PKHD1L1: variants seen among roughly 807,000 people sequenced by gnomAD.
PKHD1L1 encodes the protein PKHD1 like 1.
PKHD1L1 carries 434 observed loss-of-function variants against 462.9 expected under a neutral mutation model. That is an observed-to-expected ratio of 0.94 (90% CI 0.87 to 1.02). The LOEUF (loss-of-function observed/expected upper bound fraction) is 1.02. PKHD1L1 is among the 50% of genes least tolerant of loss of function. PKHD1L1 has a pLI of 0.00. For synonymous variants in PKHD1L1, 1,781 were observed against 1,750.0 expected (o/e 1.02, Z -0.44); for missense variants, 5,202 against 5,096.1 (o/e 1.02, Z -0.63).
intron 59 of PKHD1L1, 27 bp from the exon 60 acceptor site, chr8:109,489,925 C>A (rs1272513337): frequency 7.0e-7 from 1 of 1,429,188 alleles, no homozygotes; most frequent in Admixed American, 1.9e-5. Context: ...TTAAGAAAAA[C>A]AAATTTTAAA....
chr8:109,409,812 G>A (rs1813742381), intron 18 of PKHD1L1, 53 bp from the exon 19 acceptor site: 1 of 975,822 alleles, frequency 1.0e-6, no homozygotes, highest in Non-Finnish European at 1.5e-6. Context: ...AGGATTACGA[G>A]TGTTCTAACT....
chr8:109,465,960 G>A (rs1433996402), intron 49 of PKHD1L1, among the ~76,000 whole-genome samples: 1 of 152,092 alleles, frequency 6.6e-6, no homozygotes, highest in Non-Finnish European at 1.5e-5. Flanking sequence ...AAATAAGATA[G>A]CGAGGATATG....
At chr8:109,398,719 A>G (rs1813100808) in intron 12 of PKHD1L1, among the ~76,000 whole-genome samples, 171 bp downstream of exon 12, 1 of 152,166 alleles carries the variant, frequency 6.6e-6, no homozygotes, top group Admixed American at 6.6e-5. Flanking sequence ...TTCTATTAAA[A>G]TAGCTGCCAC....
intron 19 of PKHD1L1, among the ~76,000 whole-genome samples, chr8:109,410,592 C>A (rs1813787917): frequency 6.6e-6 from 1 of 152,008 alleles, no homozygotes; most frequent in African/African-American, 2.4e-5. Flanking sequence ...AATCCACCCC[C>A]GTGATCAAAT....
chr8:109,473,050 C>A (rs560589225), intron 50 of PKHD1L1, among the ~76,000 whole-genome samples: 1 of 152,238 alleles, frequency 6.6e-6, no homozygotes, highest in East Asian at 1.9e-4. Context: ...AAAATATCAA[C>A]TTCAAAGAGT....
chr8:109,398,490 A>C lies in PKHD1L1; in HGVS notation c.954A>C (p.Glu318Asp). 6.4e-7 allele frequency: 1 copy of C among 1,569,560 alleles called. No individual in the cohort carries two copies. Among genetic ancestry groups the C allele is most frequent in the Non-Finnish European group, 8.7e-7 (1 of 1,153,546 alleles). ...CTTGTGATATTTTGAATGTCACAGA[A>C]AATAGTATATGTTGCAAGACACCCC... is the stretch of plus-strand genomic sequence containing the variant. The part of the protein sequence containing the change: ...GEPCDILNVT[E>D]NSICCKTPPK... Residue 318 changes from glutamate to aspartate, a missense_variant, in exon 12 of 78, where the codon GAA becomes GAC. Coordinates refer to ENST00000378402, the MANE Select transcript of PKHD1L1 (RefSeq NM_177531.6).
intron 48 of PKHD1L1, among the ~76,000 whole-genome samples, chr8:109,463,796 T>C (rs943099388): frequency 6.6e-6 from 1 of 152,210 alleles, no homozygotes; most frequent in Non-Finnish European, 1.5e-5. Context: ...TAGGGGATTA[T>C]GGCAAAGACT....
chr8:109,377,587 A>T (rs1811904401), intron 2 of PKHD1L1, among the ~76,000 whole-genome samples: 1 of 152,200 alleles, frequency 6.6e-6, no homozygotes, highest in South Asian at 2.1e-4. Context: ...AAAAATTCAC[A>T]TACTGTTAGA....
Position 109,464,554 on chromosome 8 carries a change from T to C in PKHD1L1, c.7722T>C (p.Asn2574=). 6.2e-7 allele frequency: 1 copy of C among 1,613,624 alleles called. No homozygotes were observed. Among genetic ancestry groups the C allele is most frequent in the Non-Finnish European group, 8.5e-7 (1 of 1,179,784 alleles). The change falls in exon 49 of 78, where the codon AAT becomes AAC. Residue 2574 remains asparagine (N), a synonymous_variant. Coordinates refer to ENST00000378402, the MANE Select transcript of PKHD1L1 (RefSeq NM_177531.6). ...ACCCGAACAATACCATACGACACAATGCTGTTGCTGGTGGCACTCACTTTG... is the reference window on the plus strand; with the variant it reads ...ACCCGAACAATACCATACGACACAACGCTGTTGCTGGTGGCACTCACTTTG... ...VTNPNNTIRH[N]AVAGGTHFGF...
chr8:109,439,249 A>G (rs1211934960), intron 32 of PKHD1L1, among the ~76,000 whole-genome samples, 157 bp downstream of exon 32: 1 of 152,156 alleles, frequency 6.6e-6, no homozygotes. Context: ...ATCTCATACA[A>G]CTGCAATATG....
chr8:109,381,253 A>G, intron 2 of PKHD1L1, 117 bp from the exon 3 acceptor site: 1 of 878,740 alleles, frequency 1.1e-6, no homozygotes, highest in Non-Finnish European at 1.7e-6. Context: ...AAATAGGTTC[A>G]CTGCTTCAGT....
chr8:109,364,447 A>T, intron 1 of PKHD1L1, 100 bp from the exon 2 acceptor site: 1 of 820,400 alleles, frequency 1.2e-6, no homozygotes. Context: ...TAAACTTCAT[A>T]ATGTTTTCCT....
Position 109,404,829 on chromosome 8 carries a change from A to G in PKHD1L1, c.1533+116A>G, listed in dbSNP as rs1813449354. On this transcript the variant is annotated intron_variant, in intron 15 of 77. Coordinates refer to ENST00000378402, the MANE Select transcript of PKHD1L1 (RefSeq NM_177531.6). Reference sequence around the variant, plus strand: ...TTTTAGGTGAAAGCAGTCATGGACAATTATTAAATTATGACTTTGAGTATT... The same window carrying G: ...TTTTAGGTGAAAGCAGTCATGGACAGTTATTAAATTATGACTTTGAGTATT... 1.3e-5 allele frequency: 16 copies of G among 1,193,364 alleles called. No homozygotes were observed. The South Asian group carries it at 3.0e-4, about 22-fold the overall frequency. The allele number at this position is 1,193,364 out of a possible 1,614,324, so 73.9% of individuals were successfully genotyped here.
intron 67 of PKHD1L1, among the ~76,000 whole-genome samples, chr8:109,500,672 TCA>T (rs1491469282): frequency 1.8e-5 from 1 of 56,154 alleles, no homozygotes; most frequent in Admixed American, 2.8e-4. Context: ...AAACTCTGTC[TCA>T]AAAAAAAAAA....
chr8:109,505,869 C>A (rs1240174091), intron 68 of PKHD1L1, among the ~76,000 whole-genome samples: 1 of 152,176 alleles, frequency 6.6e-6, no homozygotes, highest in African/African-American at 2.4e-5. Context: ...CACACCACTG[C>A]ACTTCAGCTT....
chr8:109,522,793 C>T lies in PKHD1L1; in HGVS notation c.12233C>T (p.Ala4078Val), dbSNP rs1820616418. The change falls in exon 75 of 78, where the codon GCC becomes GTC. Residue 4078 changes from alanine to valine, a missense_variant. By Grantham distance (64) the Ala-to-Val change is moderately conservative (BLOSUM62 0). Around this residue, in one of 3 missense-constraint regions of PKHD1L1, gnomAD observed 698 missense variants for 736.3 expected, o/e 0.95. Transcript: ENST00000378402. ...ERSAFPVHHV[A>V]FVSSLLVITQ... ...TCTGCATTTCCTGTTCATCACGTGGCCTTCGTGTCCTCACTCTTAGTGATC... is the reference window on the plus strand; with the variant it reads ...TCTGCATTTCCTGTTCATCACGTGGTCTTCGTGTCCTCACTCTTAGTGATC... 2 of 1,612,146 alleles carry T rather than the reference C, an allele frequency of 1.2e-6. No individual in the cohort carries two copies. Among genetic ancestry groups the T allele is most frequent in the East Asian group, 2.2e-5 (1 of 44,818 alleles).
At chr8:109,453,452 T>C (rs780771105) in intron 43 of PKHD1L1, among the ~76,000 whole-genome samples, 2 of 152,194 alleles carry the variant, frequency 1.3e-5, no homozygotes, top group African/African-American at 2.4e-5. Flanking sequence ...ACTGTGATAA[T>C]TGCATGTAAA....
chr8:109,432,331 T>C (rs570830484), intron 27 of PKHD1L1, among the ~76,000 whole-genome samples: 43 of 152,196 alleles, frequency 2.8e-4, no homozygotes, highest in Non-Finnish European at 5.4e-4. Flanking sequence ...TCATGTATCA[T>C]ATTTGAGAAA....
chr8:109,405,540 G>T (rs558361669), intron 16 of PKHD1L1, among the ~76,000 whole-genome samples: 2 of 152,170 alleles, frequency 1.3e-5, no homozygotes, highest in African/African-American at 4.8e-5. Flanking sequence ...CCTTTTCAGG[G>T]ACATGGATGG....
Sources: gnomAD v4.1 joint callset for allele counts (sites outside exome capture counted in the v4.1 genomes callset) on GRCh38, gnomAD v4.1.1 for gene constraint, gnomAD v4.1.1 regional missense constraint, MANE v1.5 for transcripts, NCBI Gene and HGNC (gene_info 2026-07-23, HGNC 2026-07-21) for gene names.